SOX6: variants seen among roughly 807,000 people sequenced by gnomAD.
The protein encoded by SOX6 is SRY-box transcription factor 6, also known as transcription factor SOX-6.
SOX6 carries 11 observed loss-of-function variants against 97.8 expected under a neutral mutation model. That is an observed-to-expected ratio of 0.11 (90% CI 0.07 to 0.19). The LOEUF is 0.19. SOX6 is among the 10% of genes least tolerant of loss of function. The pLI is 1.00. For missense variants in SOX6, 810 were observed against 1,039.5 expected, an observed-to-expected ratio of 0.78 and a Z score of 3.04; for synonymous variants, 360 against 371.4, an observed-to-expected ratio of 0.97 and a Z score of 0.35.
intron 4 of SOX6, among the ~76,000 whole-genome samples, chr11:16,216,996 G>A (rs1456902382): frequency 6.6e-6 from 1 of 152,156 alleles, no homozygotes; most frequent in Non-Finnish European, 1.5e-5. Flanking sequence ...ACAAAACTAT[G>A]ATTGGAAAAA....
At chr11:16,142,421 T>C (rs535832134) in intron 6 of SOX6, among the ~76,000 whole-genome samples, 1 of 152,196 alleles carries the variant, frequency 6.6e-6, no homozygotes, top group East Asian at 1.9e-4. Context: ...GCAGAAAAGC[T>C]GAAAATTCTA....
intron 1 of SOX6, among the ~76,000 whole-genome samples, chr11:16,413,701 A>G (rs367946987): frequency 2.6e-5 from 4 of 151,724 alleles, no homozygotes; most frequent in South Asian, 2.1e-4. Flanking sequence ...TTGTATTTTT[A>G]GTGGAGACGG....
chr11:16,111,232 A>T (rs1438307971), intron 7 of SOX6, among the ~76,000 whole-genome samples: 1 of 152,210 alleles, frequency 6.6e-6, no homozygotes, highest in Non-Finnish European at 1.5e-5. Context: ...AACATTTGCT[A>T]AATCATCTTA....
intron 1 of SOX6, among the ~76,000 whole-genome samples, chr11:16,439,051 T>G (rs1361486578): frequency 1.3e-5 from 2 of 152,190 alleles, no homozygotes; most frequent in Non-Finnish European, 2.9e-5. Flanking sequence ...TTTTCATCAT[T>G]TTCTTCACTC....
intron 1 of SOX6, among the ~76,000 whole-genome samples, chr11:16,361,986 T>A (rs1176930961): frequency 2.0e-5 from 3 of 152,232 alleles, no homozygotes; most frequent in Admixed American, 2.0e-4. Flanking sequence ...CAAAATAATT[T>A]GGTGAGATCA....
intron 6 of SOX6, among the ~76,000 whole-genome samples, chr11:16,129,025 ATTTTTTTTT>A (rs34756324): frequency 8.4e-6 from 1 of 119,266 alleles, no homozygotes. Context: ...CATGCCTGGC[ATTTTTTTTT>A]TTTTTTTTTT....
chr11:16,315,505 T>C (rs912818328), intron 3 of SOX6: 1 of 152,204 alleles, frequency 6.6e-6, no homozygotes, highest in African/African-American at 2.4e-5. Context: ...ATTCATAGTC[T>C]TGGCATTGGA....
intron 12 of SOX6, among the ~76,000 whole-genome samples, chr11:16,022,364 TTCCTTCC>T (rs1419634085): frequency 6.7e-6 from 1 of 149,114 alleles, no homozygotes; most frequent in Non-Finnish European, 1.5e-5. Context: ...CCTTCCTTCC[TTCCTTCC>T]TTCCTCCCTC....
At chr11:16,596,189 T>C (rs1485380485) in intron 4 of SOX6, among the ~76,000 whole-genome samples, 1 of 152,244 alleles carries the variant, frequency 6.6e-6, no homozygotes, top group Non-Finnish European at 1.5e-5. Flanking sequence ...TACAAGATTT[T>C]ATTAACTCAC....
At chr11:16,012,410 C>T (rs1854758991) in intron 13 of SOX6, among the ~76,000 whole-genome samples, 2 of 151,982 alleles carry the variant, frequency 1.3e-5, no homozygotes, top group South Asian at 2.1e-4. Flanking sequence ...TGACTCCATT[C>T]GTGAACCCCC....
chr11:16,457,137 C>A (rs1022727083), intron 1 of SOX6, among the ~76,000 whole-genome samples: 31 of 152,148 alleles, frequency 2.0e-4, no homozygotes, highest in African/African-American at 7.2e-4. Flanking sequence ...TAAATAGAAG[C>A]ATTCCTGAAA....
At chr11:16,146,882 G>C (rs1329609773) in intron 6 of SOX6, among the ~76,000 whole-genome samples, 1 of 152,162 alleles carries the variant, frequency 6.6e-6, no homozygotes, top group Non-Finnish European at 1.5e-5. Flanking sequence ...TGGAGAAATA[G>C]GAAAGCTTTT....
At chr11:16,043,608 T>C (rs1400535456) in intron 12 of SOX6, among the ~76,000 whole-genome samples, 2 of 152,168 alleles carry the variant, frequency 1.3e-5, no homozygotes, top group East Asian at 1.9e-4. Context: ...TGTAAAGACA[T>C]AAGCATCCCT....
intron 11 of SOX6, among the ~76,000 whole-genome samples, chr11:16,046,961 G>C (rs1396525580): frequency 1.3e-5 from 2 of 152,092 alleles, no homozygotes; most frequent in African/African-American, 4.8e-5. Context: ...ACAGACTACA[G>C]TTCCTAGACT....
intron 1 of SOX6, among the ~76,000 whole-genome samples, chr11:16,422,003 A>T (rs535005030): frequency 4.5e-4 from 69 of 152,328 alleles, no homozygotes; most frequent in Middle Eastern, 6.8e-3. Flanking sequence ...TGACTCAACT[A>T]CTTCCATGCT....
chr11:16,734,941 A>T (rs184075575), intron 2 of SOX6, among the ~76,000 whole-genome samples: 46 of 152,306 alleles, frequency 3.0e-4, no homozygotes, highest in African/African-American at 1.0e-3. Flanking sequence ...ACTGGAATGG[A>T]TTATTGAGAT....
intron 13 of SOX6, among the ~76,000 whole-genome samples, chr11:15,998,677 T>C (rs1333113977): frequency 6.6e-6 from 1 of 152,020 alleles, no homozygotes; most frequent in Admixed American, 6.6e-5. Context: ...GCTGTTAAAG[T>C]GGAAAACGAT....
chr11:16,402,983 C>A, intron 1 of SOX6: 1 of 659,742 alleles, frequency 1.5e-6, no homozygotes, highest in Non-Finnish European at 2.5e-6. Flanking sequence ...ATTGTTCCCT[C>A]ACAGATGGAA....
At chr11:16,500,128 C>T (rs1014899040) in intron 4 of SOX6, among the ~76,000 whole-genome samples, 4 of 152,224 alleles carry the variant, frequency 2.6e-5, no homozygotes, top group African/African-American at 9.6e-5. Flanking sequence ...AAGTGGGCTT[C>T]ATCCCTGGGA....
Sources: gnomAD v4.1 joint callset for allele counts (sites outside exome capture counted in the v4.1 genomes callset) on GRCh38, gnomAD v4.1.1 for gene constraint, MANE v1.5 for transcripts, NCBI Gene and HGNC (gene_info 2026-07-23, HGNC 2026-07-21) for gene names.